The following FSTL4 variants were observed in gnomAD, a reference collection of about 807,000 sequenced individuals.
The protein encoded by FSTL4 is follistatin like 4.
Under a neutral mutation model 78.2 loss-of-function variants are expected in FSTL4, and 28 were observed. That is an observed-to-expected ratio of 0.36 (90% CI 0.27 to 0.49). The LOEUF (loss-of-function observed/expected upper bound fraction) is 0.49, where lower values mean the gene tolerates loss of function less well. Ranked by LOEUF, FSTL4 falls within the 20% of genes least tolerant of loss-of-function variation. The probability of loss-of-function intolerance (pLI) is 0.98; values close to 1 mark genes in which losing one functional copy is unlikely to be tolerated. For synonymous variants in FSTL4, 422 were observed against 440.5 expected (o/e 0.96, Z 0.53); for missense variants, 922 against 1,084.9 (o/e 0.85, Z 2.11).
At chr5:133,805,621 T>C in the FSTL4 span, among the ~76,000 whole-genome samples, 6 of 152,254 alleles carry the variant, frequency 3.9e-5, no homozygotes, top group African/African-American at 1.4e-4. Flanking sequence ...TGTGTATGAG[T>C]GCTGAAATTA....
rs559551964 is a variant in FSTL4 at position 133,240,585 on chromosome 5, C to T, written c.895-7048G>A. ...CCAAGGCTCGGGGCATGTGTGGTCCCTGGCTGACTTGGGTGTCCTCTGGTG... is the reference window on the plus strand; with the variant it reads ...CCAAGGCTCGGGGCATGTGTGGTCCTTGGCTGACTTGGGTGTCCTCTGGTG... On this transcript the variant is annotated intron_variant, in intron 7 of 15. Transcript: ENST00000265342. Among the ~76,000 whole-genome samples the T allele has an allele frequency of 1.4e-4, 21 of 152,294 alleles. No homozygotes were observed. In the South Asian group the frequency reaches 2.9e-3, roughly 21 times the overall value.
At chr5:133,567,038 C>T (rs1302195158) in intron 3 of FSTL4, 148 bp downstream of exon 3, 1 of 672,792 alleles carries the variant, frequency 1.5e-6, no homozygotes, top group Non-Finnish European at 2.7e-6. Flanking sequence ...TCCCTACAGA[C>T]AAGTGCTAAG....
At chr5:133,450,405 C>T (rs909482884) in intron 3 of FSTL4, among the ~76,000 whole-genome samples, 2 of 152,224 alleles carry the variant, frequency 1.3e-5, no homozygotes, top group African/African-American at 4.8e-5. Context: ...CTGGGGGAGG[C>T]TATGGGCTCC....
chr5:133,365,871 T>C (rs1013270464), intron 4 of FSTL4, among the ~76,000 whole-genome samples: 3 of 152,208 alleles, frequency 2.0e-5, no homozygotes, highest in Non-Finnish European at 2.9e-5. Flanking sequence ...ATTCACCATC[T>C]GCGTCAGCCT....
the FSTL4 span, among the ~76,000 whole-genome samples, chr5:133,700,721 T>C: frequency 6.6e-6 from 1 of 152,258 alleles, no homozygotes; most frequent in East Asian, 1.9e-4. Context: ...AACCACCATG[T>C]GACCTCTCAG....
the FSTL4 span, among the ~76,000 whole-genome samples, chr5:133,840,779 T>C: frequency 2.0e-5 from 3 of 152,188 alleles, no homozygotes; most frequent in African/African-American, 7.2e-5. Flanking sequence ...AACTGAAGTA[T>C]AAGAGGAGAT....
the FSTL4 span, among the ~76,000 whole-genome samples, chr5:133,792,998 G>A: frequency 2.0e-5 from 3 of 152,184 alleles, no homozygotes; most frequent in Non-Finnish European, 2.9e-5. Flanking sequence ...TGGCTCTGGC[G>A]GGTAGATCTG....
chr5:133,451,701 T>C (rs1001190490), intron 3 of FSTL4, among the ~76,000 whole-genome samples: 3 of 152,022 alleles, frequency 2.0e-5, no homozygotes, highest in Non-Finnish European at 4.4e-5. Context: ...CTTTGCTGGG[T>C]ACAGAGCAGC....
chr5:133,723,047 G>A, the FSTL4 span, among the ~76,000 whole-genome samples: 16 of 152,196 alleles, frequency 1.1e-4, no homozygotes, highest in Admixed American at 3.3e-4. Context: ...GGGTACACTG[G>A]CAGCTGCAGC....
the FSTL4 span, among the ~76,000 whole-genome samples, chr5:133,670,221 T>G: frequency 0.21 from 32,211 of 152,252 alleles, 3,591 homozygotes; most frequent in Middle Eastern, 0.42. Context: ...CCACAGTGTT[T>G]TTAATATGAA....
At chr5:133,796,573 A>G in the FSTL4 span, among the ~76,000 whole-genome samples, 1 of 152,120 alleles carries the variant, frequency 6.6e-6, no homozygotes, top group African/African-American at 2.4e-5. Context: ...ATGACTGTCC[A>G]GCAGCCAAAT....
chr5:133,330,742 C>T (rs1754325943), intron 4 of FSTL4, among the ~76,000 whole-genome samples: 1 of 152,126 alleles, frequency 6.6e-6, no homozygotes. Context: ...GGGGGCTTTA[C>T]AAAAGATTTG....
chr5:133,755,385 G>A, the FSTL4 span, among the ~76,000 whole-genome samples: 559 of 152,170 alleles, frequency 3.7e-3, 4 homozygotes, highest in Non-Finnish European at 6.0e-3. Flanking sequence ...CAATGAACCT[G>A]CCCCTCCACC....
the FSTL4 span, among the ~76,000 whole-genome samples, chr5:133,676,645 G>A: frequency 6.6e-6 from 1 of 152,192 alleles, no homozygotes; most frequent in African/African-American, 2.4e-5. Flanking sequence ...AGAACACCAT[G>A]AGGTTTTGCT....
the FSTL4 span, among the ~76,000 whole-genome samples, chr5:133,716,221 A>G: frequency 1.3e-5 from 2 of 152,220 alleles, no homozygotes. Flanking sequence ...AAGGTATTCC[A>G]GATGGAAGAA....
At chr5:133,442,230 GA>G (rs1194204069) in intron 3 of FSTL4, among the ~76,000 whole-genome samples, 2 of 152,236 alleles carry the variant, frequency 1.3e-5, no homozygotes, top group African/African-American at 4.8e-5. Flanking sequence ...CGTGCCATGG[GA>G]TAACAAGATC....
At chr5:133,808,937 C>T in the FSTL4 span, among the ~76,000 whole-genome samples, 2 of 143,708 alleles carry the variant, frequency 1.4e-5, no homozygotes, top group Non-Finnish European at 3.0e-5. Flanking sequence ...TTCAGTGAAC[C>T]ACCAGGACTG....
rs142579915 is a variant in FSTL4, at chr5:133,489,661, A to G, written c.160+77525T>C. Among the ~76,000 whole-genome samples the G allele has an allele frequency of 1.2e-4, 18 of 152,294 alleles. 1 individual carries two copies. The highest frequency in any genetic ancestry group is 6.8e-3 in the Middle Eastern group (2 of 294). The stretch of plus-strand genomic sequence containing the variant: ...TTCCCTTTTAGCACATAGACAGCAC[A>G]CTGAGCTGTCTGAGCAATGGATACA... On this transcript the variant is annotated intron_variant, in intron 3 of 15. Coordinates refer to ENST00000265342, the MANE Select transcript of FSTL4 (RefSeq NM_015082.2).
intron 3 of FSTL4, among the ~76,000 whole-genome samples, chr5:133,456,623 C>A (rs951871210): frequency 1.3e-5 from 2 of 152,178 alleles, no homozygotes; most frequent in African/African-American, 4.8e-5. Flanking sequence ...ATGAAGCTTT[C>A]TTTCTTTCCT....
Sources: allele counts gnomAD v4.1 joint callset (sites outside exome capture counted in the v4.1 genomes callset), GRCh38; gene constraint gnomAD v4.1.1; transcripts MANE v1.5; gene names NCBI Gene and HGNC (gene_info 2026-07-23, HGNC 2026-07-21).